COPS3: variants seen among roughly 807,000 people sequenced by gnomAD.
COPS3 encodes the protein COP9 signalosome complex subunit 3.
COPS3 carries 10 observed loss-of-function variants against 58.2 expected under a neutral mutation model. That is an observed-to-expected ratio of 0.17 (90% confidence interval 0.11 to 0.29). The LOEUF is 0.29. Ranked by LOEUF, COPS3 falls within the 10% of genes least tolerant of loss-of-function variation. The pLI is 1.00. For synonymous variants in COPS3, 187 were observed against 181.7 expected (o/e 1.03, Z -0.24); for missense variants, 333 against 510.1 (o/e 0.65, Z 3.34).
intron 2 of COPS3, among the ~76,000 whole-genome samples, chr17:17,275,628 C>CA (rs1196592049): frequency 6.6e-6 from 1 of 151,804 alleles, no homozygotes; most frequent in African/African-American, 2.4e-5. Context: ...CTTTCTACAC[C>CA]AAAAAATAAA....
At chr17:17,249,911 G>C (rs977267150) in intron 9 of COPS3, among the ~76,000 whole-genome samples, 1 of 151,552 alleles carries the variant, frequency 6.6e-6, no homozygotes, top group Non-Finnish European at 1.5e-5. Context: ...TACAGGCATG[G>C]GCCACCACAT....
intron 2 of COPS3, among the ~76,000 whole-genome samples, chr17:17,272,553 A>G (rs1320005095): frequency 1.3e-5 from 2 of 152,204 alleles, no homozygotes; most frequent in African/African-American, 4.8e-5. Flanking sequence ...GAATGTCCAC[A>G]TTTTCTAAAT....
chr17:17,271,930 T>TTATATA (rs143071223), intron 2 of COPS3, among the ~76,000 whole-genome samples: 2 of 146,284 alleles, frequency 1.4e-5, no homozygotes, highest in South Asian at 2.1e-4. Flanking sequence ...CATATATGTT[T>TTATATA]TATATATATA....
intron 1 of COPS3, chr17:17,280,700 C>T: frequency 7.9e-7 from 1 of 1,267,306 alleles, no homozygotes; most frequent in Non-Finnish European, 1.0e-6. Context: ...AACGGACTCG[C>T]CTCCCGCCCG....
chr17:17,280,610 TA>T (rs1447177109), intron 1 of COPS3: 1 of 1,302,008 alleles, frequency 7.7e-7, no homozygotes, highest in Non-Finnish European at 1.0e-6. Context: ...AGGACCAAAA[TA>T]GGCGCACAGG....
chr17:17,248,780 T>C (rs1206821843), intron 10 of COPS3, 146 bp downstream of exon 10: 1 of 580,130 alleles, frequency 1.7e-6, no homozygotes, highest in African/African-American at 1.9e-5. Flanking sequence ...GCAGCCCATT[T>C]TGAAACTAAC....
intron 8 of COPS3, among the ~76,000 whole-genome samples, chr17:17,255,499 T>C (rs1187423293): frequency 3.4e-5 from 2 of 58,684 alleles, no homozygotes; most frequent in African/African-American, 1.4e-4. Context: ...AAAAAAAGTG[T>C]ACAGAGCTCT....
chr17:17,257,374 A>G (rs1296486125), intron 8 of COPS3, among the ~76,000 whole-genome samples: 1 of 151,808 alleles, frequency 6.6e-6, no homozygotes, highest in Non-Finnish European at 1.5e-5. Flanking sequence ...AGAAAAAAAA[A>G]AAAAGAAAAA....
chr17:17,275,930 A>C, intron 2 of COPS3, 105 bp downstream of exon 2: 1 of 1,146,866 alleles, frequency 8.7e-7, no homozygotes. Flanking sequence ...TGACAGAGCG[A>C]AACTCCATCT....
intron 8 of COPS3, among the ~76,000 whole-genome samples, chr17:17,259,704 G>A (rs2048050971): frequency 1.3e-5 from 2 of 152,100 alleles, no homozygotes; most frequent in African/African-American, 4.8e-5. Context: ...AGACCGCCTG[G>A]CCAACATAGC....
intron 1 of COPS3, 46 bp from the exon 2 acceptor site, chr17:17,276,210 C>A (rs2048458271): frequency 1.2e-6 from 2 of 1,606,722 alleles, no homozygotes; most frequent in South Asian, 2.2e-5. Context: ...ACAGCACTAA[C>A]CAAACTGATG....
chr17:17,280,677 C>A (rs759361172), intron 1 of COPS3: 1 of 1,304,438 alleles, frequency 7.7e-7, no homozygotes, highest in African/African-American at 1.5e-5. Flanking sequence ...AGCCATAGAG[C>A]CAAGACACCC....
chr17:17,280,891 G>T, intron 1 of COPS3: 1 of 981,050 alleles, frequency 1.0e-6, no homozygotes, highest in Non-Finnish European at 1.4e-6. Context: ...GCCGGGGGGA[G>T]GGGGCTCCCG....
Position 17,246,967 on chromosome 17 carries a change from A to C in COPS3, c.*131T>G. ...GGTTTTCTGAAAGCACACAGGACTG[A>C]AGATGTCAAAACAAAACTTAATTTC... On this transcript the variant is annotated 3_prime_UTR_variant, in exon 12 of 12. Coordinates refer to ENST00000268717, the MANE Select transcript of COPS3 (RefSeq NM_003653.4). 1.3e-6 allele frequency: 1 copy of C among 798,360 alleles called. No individual in the cohort carries two copies. Among genetic ancestry groups the C allele is most frequent in the Admixed American group, 1.9e-5 (1 of 53,002 alleles). The allele number at this position is 798,360 out of a possible 1,614,324, so 49.5% of individuals were successfully genotyped here. A position where few individuals can be genotyped will look rare whatever the true frequency, so the allele number is the denominator to read the frequency against.
chr17:17,273,777 A>C (rs1422489342), intron 2 of COPS3, among the ~76,000 whole-genome samples: 1 of 152,196 alleles, frequency 6.6e-6, no homozygotes, highest in East Asian at 1.9e-4. Context: ...ACTTGAGTCC[A>C]TGAGATTGAA....
intron 4 of COPS3, among the ~76,000 whole-genome samples, chr17:17,268,955 T>C (rs1462723454): frequency 7.9e-5 from 12 of 152,220 alleles, no homozygotes; most frequent in Non-Finnish European, 1.0e-4. Context: ...CATGGTTACT[T>C]AGTACTACAA....
intron 10 of COPS3, among the ~76,000 whole-genome samples, chr17:17,248,227 C>T (rs1317821244): frequency 6.6e-6 from 1 of 152,198 alleles, no homozygotes; most frequent in Non-Finnish European, 1.5e-5. Context: ...TTATACTGGG[C>T]CCTTTAAGTG....
chr17:17,264,828 C>G lies in COPS3; in HGVS notation c.595G>C (p.Glu199Gln). ...TGTTCATAAAAGTAGAGAGCTCTTT[C>G]AAAGTTCTTCAGCCCAGTATAGATC... is the stretch of plus-strand genomic sequence containing the variant. ...GMIYTGLKNF[E>Q]RALYFYEQAI... is the part of the protein sequence containing the mutation. The change falls in exon 6 of 12, where the codon GAA (glutamate) becomes CAA (glutamine). Residue 199 changes from glutamate to glutamine, a missense_variant. Coordinates refer to ENST00000268717, the MANE Select transcript of COPS3 (RefSeq NM_003653.4). 1 of 1,607,142 alleles carries G rather than the reference C, an allele frequency of 6.2e-7. No homozygotes were observed. Among genetic ancestry groups the G allele is most frequent in the Non-Finnish European group, 8.5e-7 (1 of 1,178,314 alleles).
chr17:17,265,085 G>A, intron 5 of COPS3, 104 bp from the exon 6 acceptor site: 1 of 1,009,594 alleles, frequency 9.9e-7, no homozygotes, highest in African/African-American at 1.6e-5. Context: ...TAATGTAATT[G>A]TGTTTTACAT....
Sources: allele counts gnomAD v4.1 joint callset (sites outside exome capture counted in the v4.1 genomes callset), GRCh38; gene constraint gnomAD v4.1.1; transcripts MANE v1.5; gene names NCBI Gene and HGNC (gene_info 2026-07-23, HGNC 2026-07-21).